Variants in AXDND1 observed in about 807,000 individuals in gnomAD.
AXDND1 encodes the protein axonemal dynein light chain domain containing 1.
AXDND1 carries 110 observed loss-of-function variants against 137.5 expected under a neutral mutation model. The observed-to-expected ratio is 0.80, with a 90% CI of 0.69 to 0.94. The LOEUF is 0.94. Among genes scored for constraint, AXDND1 ranks in the 40% least tolerant of loss-of-function variants. AXDND1 has a pLI of 0.00. For synonymous variants in AXDND1, 414 were observed against 399.7 expected (o/e 1.04, Z -0.43); for missense variants, 1,191 against 1,169.8 (o/e 1.02, Z -0.26).
intron 9 of AXDND1, among the ~76,000 whole-genome samples, chr1:179,392,773 T>C (rs1038996201): frequency 1.3e-5 from 2 of 152,208 alleles, no homozygotes; most frequent in South Asian, 2.1e-4. Flanking sequence ...TATCTTCTTT[T>C]GAGGATTGTC....
intron 12 of AXDND1, among the ~76,000 whole-genome samples, chr1:179,426,566 G>A (rs1338070048): frequency 6.6e-6 from 1 of 152,152 alleles, no homozygotes; most frequent in African/African-American, 2.4e-5. Flanking sequence ...GTACCTGTTT[G>A]ATTAACCAAT....
Position 179,424,817 on chromosome 1 carries a change from T to C in AXDND1, c.1231-4701T>C, listed in dbSNP as rs75618868. Among the ~76,000 whole-genome samples the C allele has an allele frequency of 1.2e-3, 189 of 152,316 alleles. 8 individuals are homozygous for C. The East Asian group carries it at 0.034, about 28-fold the overall frequency. On this transcript the variant is annotated intron_variant, in intron 12 of 25. Transcript: ENST00000367618. ...TTCACTGATTCTTTCCTCTTCTTGA[T>C]GCATTCTGCTGTTGAGAACCTCTGA... is the stretch of plus-strand genomic sequence containing the variant.
intron 21 of AXDND1, among the ~76,000 whole-genome samples, chr1:179,521,868 A>G (rs1342717305): frequency 6.6e-6 from 1 of 151,136 alleles, no homozygotes; most frequent in East Asian, 1.9e-4. Context: ...TTGTTATTGA[A>G]CTGACCATTG....
intron 16 of AXDND1, among the ~76,000 whole-genome samples, chr1:179,459,921 TTTCC>T (rs1403576703): frequency 8.5e-5 from 9 of 105,614 alleles, no homozygotes; most frequent in East Asian, 4.6e-4. Context: ...TCTTTCTCTC[TTTCC>T]TTCCTTCCTT....
intron 12 of AXDND1, among the ~76,000 whole-genome samples, chr1:179,418,372 G>T (rs999418482): frequency 6.6e-6 from 1 of 152,208 alleles, no homozygotes; most frequent in Non-Finnish European, 1.5e-5. Context: ...AAAATGAAAA[G>T]TCTCCCATGT....
intron 25 of AXDND1, 78 bp from the exon 26 acceptor site, chr1:179,554,434 T>G (rs1673774734): frequency 6.2e-7 from 1 of 1,611,798 alleles, no homozygotes; most frequent in Admixed American, 1.7e-5. Flanking sequence ...CCAGAATATT[T>G]TCCTTTATCA....
intron 12 of AXDND1, among the ~76,000 whole-genome samples, chr1:179,424,984 A>G (rs1656340743): frequency 6.6e-6 from 1 of 152,030 alleles, no homozygotes; most frequent in South Asian, 2.1e-4. Context: ...TTTTCTTAAA[A>G]CTGTAGTTTT....
chr1:179,478,699 A>T (rs529560142), intron 17 of AXDND1, among the ~76,000 whole-genome samples: 1 of 152,360 alleles, frequency 6.6e-6, no homozygotes, highest in South Asian at 2.1e-4. Flanking sequence ...TTACTTATGC[A>T]GATTTCTGCA....
At chr1:179,482,235 C>T (rs1470036906) in intron 17 of AXDND1, among the ~76,000 whole-genome samples, 1 of 150,556 alleles carries the variant, frequency 6.6e-6, no homozygotes, top group African/African-American at 2.4e-5. Context: ...CCTGAGAACT[C>T]CTTAGAGGGG....
At chr1:179,523,743 A>G (rs927844725) in intron 21 of AXDND1, among the ~76,000 whole-genome samples, 1 of 152,176 alleles carries the variant, frequency 6.6e-6, no homozygotes, top group African/African-American at 2.4e-5. Flanking sequence ...TTTTTGGGGA[A>G]CAGGTCATAG....
At chr1:179,399,175 G>T (rs12726506) in intron 11 of AXDND1, among the ~76,000 whole-genome samples, 44,333 of 151,902 alleles carry the variant, frequency 0.29, 6,672 homozygotes, top group Non-Finnish European at 0.31. Flanking sequence ...TAAGAATGTC[G>T]ACCTATTTCA....
At chr1:179,465,741 G>A (rs1331019698) in intron 16 of AXDND1, among the ~76,000 whole-genome samples, 1 of 152,204 alleles carries the variant, frequency 6.6e-6, no homozygotes, top group South Asian at 2.1e-4. Flanking sequence ...AGAGGCAGGT[G>A]GGCCTCCTTG....
At chr1:179,473,577 CT>C (rs1376825332) in intron 17 of AXDND1, among the ~76,000 whole-genome samples, 3 of 152,088 alleles carry the variant, frequency 2.0e-5, no homozygotes, top group African/African-American at 7.2e-5. Context: ...AGTTTGATTC[CT>C]TTTCCCACCT....
intron 12 of AXDND1, among the ~76,000 whole-genome samples, chr1:179,418,905 C>T (rs1244893219): frequency 3.3e-5 from 5 of 150,332 alleles, no homozygotes; most frequent in African/African-American, 7.4e-5. Flanking sequence ...TCAGACGGGG[C>T]GGCAGGGCAG....
intron 9 of AXDND1, among the ~76,000 whole-genome samples, chr1:179,390,664 T>A (rs1053934596): frequency 8.9e-6 from 1 of 112,864 alleles, no homozygotes; most frequent in East Asian, 2.6e-4. Flanking sequence ...GTCTAACATA[T>A]GATATTCCAA....
intron 22 of AXDND1, 61 bp from the exon 23 acceptor site, chr1:179,528,266 A>G (rs1670724147): frequency 3.3e-6 from 4 of 1,226,696 alleles, no homozygotes; most frequent in Admixed American, 3.6e-5. Flanking sequence ...CTACCGTGCC[A>G]GGAAACTTGC....
chr1:179,456,258 C>A (rs1471404946), intron 16 of AXDND1: 28 of 734,812 alleles, frequency 3.8e-5, no homozygotes, highest in Non-Finnish European at 5.9e-5. Context: ...ACTGCTGCTA[C>A]TGGAACCTCC....
chr1:179,385,984 C>T (rs569800529), intron 9 of AXDND1, among the ~76,000 whole-genome samples: 3 of 151,696 alleles, frequency 2.0e-5, no homozygotes, highest in Non-Finnish European at 4.4e-5. Context: ...AATCTGCTGC[C>T]ATCCTTGTCT....
At chr1:179,511,287 G>GTA (rs113441523) in intron 21 of AXDND1, among the ~76,000 whole-genome samples, 54 of 148,378 alleles carry the variant, frequency 3.6e-4, no homozygotes, top group African/African-American at 7.7e-4. Flanking sequence ...GGTAGTGTGT[G>GTA]TATATATATA....
Sources: allele counts gnomAD v4.1 joint callset (sites outside exome capture counted in the v4.1 genomes callset), GRCh38; gene constraint gnomAD v4.1.1; transcripts MANE v1.5; gene names NCBI Gene and HGNC (gene_info 2026-07-23, HGNC 2026-07-21).